The following IL15 variants were observed in gnomAD, a reference collection of about 807,000 sequenced individuals.
IL15 encodes the protein interleukin-15.
IL15 carries 11 observed loss-of-function variants against 19.6 expected under a neutral mutation model. That is an observed-to-expected ratio of 0.56 (90% confidence interval 0.35 to 0.93). IL15 has a LOEUF of 0.93. IL15 is among the 40% of genes least tolerant of loss of function. IL15 has a pLI of 0.01. For synonymous variants in IL15, 58 were observed against 59.6 expected (o/e 0.97, Z 0.12); for missense variants, 197 against 186.5 (o/e 1.06, Z -0.33).
chr4:141,717,245 C>T (rs192723140), intron 2 of IL15: 1 of 152,254 alleles, frequency 6.6e-6, no homozygotes, highest in East Asian at 1.9e-4. Flanking sequence ...GTGCAGAATG[C>T]TATGGTTTGA....
chr4:141,681,704 A>T (rs1579014434), intron 2 of IL15, among the ~76,000 whole-genome samples: 1 of 152,050 alleles, frequency 6.6e-6, no homozygotes, highest in Non-Finnish European at 1.5e-5. Flanking sequence ...CTAAGAAAAA[A>T]TTTTTTCCCA....
chr4:141,683,014 T>C (rs549722313), intron 2 of IL15, among the ~76,000 whole-genome samples: 4 of 151,814 alleles, frequency 2.6e-5, no homozygotes, highest in Non-Finnish European at 5.9e-5. Flanking sequence ...CTCACGCCTG[T>C]AATCTCAACA....
rs768454699 is a variant in IL15, at chr4:141,727,994, C to CT, written c.240+17dup. 1.9e-5 allele frequency: 24 copies of CT among 1,274,912 alleles called. No homozygotes were observed. The highest frequency in any genetic ancestry group is 5.2e-5 in the South Asian group (4 of 76,522). 79.0% of individuals were successfully genotyped at this position (1,274,912 alleles called of 1,614,324 possible). ...GGAAAGTGATGTTCACGTGAGTATACTTTTTTTCAAAATTGCTATTTGTCT... is the reference window on the plus strand; with the variant it reads ...GGAAAGTGATGTTCACGTGAGTATACTTTTTTTTCAAAATTGCTATTTGTCT... On this transcript the variant is annotated intron_variant, in intron 6 of 7. Transcript: ENST00000320650.
At chr4:141,732,152 G>A (rs1304972949) in intron 7 of IL15, among the ~76,000 whole-genome samples, 1 of 152,204 alleles carries the variant, frequency 6.6e-6, no homozygotes, top group Non-Finnish European at 1.5e-5. Context: ...GAGATGTAAA[G>A]ATGGGACATT....
intron 2 of IL15, among the ~76,000 whole-genome samples, chr4:141,712,110 A>T (rs1377567344): frequency 6.6e-6 from 1 of 151,966 alleles, no homozygotes; most frequent in African/African-American, 2.4e-5. Context: ...TGATTGTTTC[A>T]TTCTGTCTGT....
intron 2 of IL15, among the ~76,000 whole-genome samples, chr4:141,670,176 C>T (rs2152166835): frequency 6.6e-6 from 1 of 151,818 alleles, no homozygotes; most frequent in East Asian, 1.9e-4. Flanking sequence ...TTTCTAATTT[C>T]ATAATTCTGT....
At chr4:141,693,527 T>C (rs1436956867) in intron 2 of IL15, among the ~76,000 whole-genome samples, 1 of 152,240 alleles carries the variant, frequency 6.6e-6, no homozygotes, top group Non-Finnish European at 1.5e-5. Flanking sequence ...TAAATCTCTT[T>C]GCACTTACTG....
At chr4:141,669,334 G>A (rs1374323459) in intron 2 of IL15, among the ~76,000 whole-genome samples, 1 of 152,194 alleles carries the variant, frequency 6.6e-6, no homozygotes. Context: ...AATAATTTGA[G>A]TGGTTGTGTG....
chr4:141,694,245 G>A (rs1255225716), intron 2 of IL15, among the ~76,000 whole-genome samples: 2 of 152,152 alleles, frequency 1.3e-5, no homozygotes, highest in East Asian at 1.9e-4. Flanking sequence ...GAGAGTATTG[G>A]TTTAAGGAAA....
At chr4:141,642,581 C>A (rs544799197) in intron 1 of IL15, among the ~76,000 whole-genome samples, 2 of 152,102 alleles carry the variant, frequency 1.3e-5, no homozygotes, top group African/African-American at 4.8e-5. Flanking sequence ...GGGACTAGTG[C>A]GAAATAAGCT....
intron 2 of IL15, among the ~76,000 whole-genome samples, chr4:141,700,909 A>G (rs1729272905): frequency 6.6e-6 from 1 of 151,848 alleles, no homozygotes. Context: ...GTTCTAGTCT[A>G]TTGTTGAAAC....
Position 141,733,743 on chromosome 4 carries a change from A to G in IL15, c.*895A>G, listed in dbSNP as rs1280278638. The G allele has an allele frequency of 6.6e-6, 1 of 152,210 alleles. No individual in the cohort carries two copies. The highest frequency in any genetic ancestry group is 2.4e-5 in the African/African-American group (1 of 41,468). The allele number at this position is 152,210 out of a possible 1,614,324, so 9.4% of individuals were successfully genotyped here. A position where few individuals can be genotyped will look rare whatever the true frequency, so the allele number is the denominator to read the frequency against. On this transcript the variant is annotated 3_prime_UTR_variant, in exon 8 of 8. Coordinates refer to ENST00000320650, the MANE Select transcript of IL15 (RefSeq NM_000585.5). ...TTGGATGCCCCTGGTATAGAAAACT[A>G]ATAGTGACAGTGTTCATATTTCATG...
chr4:141,697,393 T>C (rs909451164), intron 2 of IL15, among the ~76,000 whole-genome samples: 1 of 152,158 alleles, frequency 6.6e-6, no homozygotes, highest in African/African-American at 2.4e-5. Flanking sequence ...TCCAGTACTA[T>C]GCTGTTTTGG....
chr4:141,641,501 C>T (rs1439485196), intron 1 of IL15, among the ~76,000 whole-genome samples: 1 of 152,036 alleles, frequency 6.6e-6, no homozygotes, highest in African/African-American at 2.4e-5. Context: ...CCATAGAATA[C>T]TATGCAGCCA....
At chr4:141,672,399 TG>T (rs1376634905) in intron 2 of IL15, among the ~76,000 whole-genome samples, 6 of 152,212 alleles carry the variant, frequency 3.9e-5, no homozygotes, top group Non-Finnish European at 8.8e-5. Flanking sequence ...GGAGTTGGGG[TG>T]AAGTGTGACT....
chr4:141,699,753 T>A (rs60177367), intron 2 of IL15, among the ~76,000 whole-genome samples: 1 of 152,132 alleles, frequency 6.6e-6, no homozygotes. Context: ...ACAACAGATA[T>A]TTGGTTAGTG....
At chr4:141,694,693 A>G (rs1171422570) in intron 2 of IL15, among the ~76,000 whole-genome samples, 1 of 152,136 alleles carries the variant, frequency 6.6e-6, no homozygotes, top group African/African-American at 2.4e-5. Flanking sequence ...GTGTATTTCA[A>G]ATTTATAACT....
intron 2 of IL15, among the ~76,000 whole-genome samples, chr4:141,702,392 C>T (rs1729350298): frequency 6.6e-6 from 1 of 152,190 alleles, no homozygotes; most frequent in Non-Finnish European, 1.5e-5. Context: ...GCAAAGGATC[C>T]AGTGATGTGA....
At chr4:141,662,804 TTCTA>T (rs561554085) in intron 2 of IL15, among the ~76,000 whole-genome samples, 594 of 152,340 alleles carry the variant, frequency 3.9e-3, no homozygotes, top group Non-Finnish European at 5.7e-3. Context: ...GCATATTACA[TTCTA>T]TCTAATGACT....
Sources: gnomAD v4.1 joint callset for allele counts (sites outside exome capture counted in the v4.1 genomes callset) on GRCh38, gnomAD v4.1.1 for gene constraint, MANE v1.5 for transcripts, NCBI Gene and HGNC (gene_info 2026-07-23, HGNC 2026-07-21) for gene names.